Variants in ATP2B2 observed in about 807,000 individuals in gnomAD.
The protein encoded by ATP2B2 is ATPase plasma membrane Ca2+ transporting 2, also known as plasma membrane calcium-transporting ATPase 2.
In ATP2B2, 15 loss-of-function variants were observed where a neutral mutation model predicts 120.0. That is an observed-to-expected ratio of 0.12 (90% CI 0.08 to 0.19). ATP2B2 has a LOEUF of 0.19. Among genes scored for constraint, ATP2B2 ranks in the 10% least tolerant of loss-of-function variants. The pLI, the probability that ATP2B2 is intolerant of heterozygous loss-of-function variation, is 1.00. For synonymous variants in ATP2B2, 694 were observed against 700.3 expected, an observed-to-expected ratio of 0.99 and a Z score of 0.14; for missense variants, 1,045 against 1,719.8, an observed-to-expected ratio of 0.61 and a Z score of 6.94.
intron 2 of ATP2B2, among the ~76,000 whole-genome samples, chr3:10,606,231 G>A (rs1032544816): frequency 1.3e-5 from 2 of 152,158 alleles, no homozygotes; most frequent in African/African-American, 2.4e-5. Context: ...TGAGACCCCC[G>A]GTGAGATAAC....
chr3:10,678,348 G>C (rs1428810445), intron 1 of ATP2B2, among the ~76,000 whole-genome samples: 2 of 152,200 alleles, frequency 1.3e-5, no homozygotes, highest in African/African-American at 4.8e-5. Context: ...GTATTCCCTG[G>C]ACTCCTTTCT....
At chr3:10,405,522 G>T (rs895414624) in intron 3 of ATP2B2, among the ~76,000 whole-genome samples, 2 of 152,144 alleles carry the variant, frequency 1.3e-5, no homozygotes, top group Non-Finnish European at 2.9e-5. Flanking sequence ...AGCAATTAGG[G>T]AGAAGAGAAT....
chr3:10,450,093 T>C (rs915194373), intron 1 of ATP2B2, among the ~76,000 whole-genome samples: 1 of 152,138 alleles, frequency 6.6e-6, no homozygotes, highest in Non-Finnish European at 1.5e-5. Context: ...TAACTCCCTA[T>C]TTGTGTGTTG....
chr3:10,359,760 A>G (rs1015148074), intron 13 of ATP2B2, 122 bp downstream of exon 13: 11 of 1,442,770 alleles, frequency 7.6e-6, no homozygotes, highest in Middle Eastern at 1.8e-4. Flanking sequence ...CTAGACGGCC[A>G]CTCCAGCCGG....
At chr3:10,349,221 G>A (rs2125406111) in intron 16 of ATP2B2, among the ~76,000 whole-genome samples, 1 of 152,350 alleles carries the variant, frequency 6.6e-6, no homozygotes, top group Middle Eastern at 3.4e-3. Context: ...GGGATGCCAA[G>A]GCAGGAGGAC....
chr3:10,567,654 C>T (rs2068038098), intron 2 of ATP2B2, among the ~76,000 whole-genome samples: 1 of 152,174 alleles, frequency 6.6e-6, no homozygotes. Context: ...ACAGGTGCTT[C>T]GTTTAGAGCA....
chr3:10,588,636 G>A (rs1369770192), intron 2 of ATP2B2, among the ~76,000 whole-genome samples: 1 of 152,196 alleles, frequency 6.6e-6, no homozygotes, highest in African/African-American at 2.4e-5. Flanking sequence ...GATCTCTGGA[G>A]GAAAGGATCT....
chr3:10,684,843 T>G (rs1038523736), intron 1 of ATP2B2, among the ~76,000 whole-genome samples: 1 of 152,366 alleles, frequency 6.6e-6, no homozygotes, highest in East Asian at 1.9e-4. Flanking sequence ...ATTGGATGGC[T>G]ATTTTACTCG....
rs188928620 is a variant in ATP2B2 at position 10,428,171 on chromosome 3, C to A, written c.200-17356G>T. ...CCTCCAGGTGCCTCAGTATTCCCAT[C>A]TGAAAAAAGGGGATTATACTCGAAC... On this transcript the variant is annotated intron_variant, in intron 2 of 22. Coordinates refer to ENST00000360273, the MANE Select transcript of ATP2B2 (RefSeq NM_001001331.4). Among the ~76,000 whole-genome samples, 106 of 152,186 alleles carry A rather than the reference C, an allele frequency of 7.0e-4. 2 individuals are homozygous for A. In the East Asian group the frequency reaches 0.016, roughly 22 times the overall value.
At chr3:10,403,111 C>T (rs926762046) in intron 3 of ATP2B2, among the ~76,000 whole-genome samples, 4 of 152,182 alleles carry the variant, frequency 2.6e-5, no homozygotes, top group African/African-American at 9.7e-5. Flanking sequence ...AGTCATTGCC[C>T]TTCCCCGGCT....
chr3:10,459,262 C>T lies in ATP2B2; in HGVS notation c.-319-9400G>A, dbSNP rs536506987. Among the ~76,000 whole-genome samples, 6 of 152,322 alleles carry T rather than the reference C, an allele frequency of 3.9e-5. No individual in the cohort carries two copies. In the East Asian group the frequency reaches 1.2e-3, roughly 29 times the overall value. On this transcript the variant is annotated intron_variant, in intron 1 of 22. Transcript: ENST00000360273. The stretch of plus-strand genomic sequence containing the variant: ...TGTGTTCCATGTTTAGAAATAATTT[C>T]CTTAAAAAATATTTGTGGAGTTTCT...
At chr3:10,646,160 T>C (rs1185313525) in intron 1 of ATP2B2, among the ~76,000 whole-genome samples, 1 of 152,238 alleles carries the variant, frequency 6.6e-6, no homozygotes, top group Non-Finnish European at 1.5e-5. Flanking sequence ...ACAAATTGTC[T>C]ATTTGGGCAT....
intron 3 of ATP2B2, among the ~76,000 whole-genome samples, chr3:10,407,324 G>A (rs1302857551): frequency 2.6e-5 from 4 of 152,258 alleles, no homozygotes; most frequent in Admixed American, 1.3e-4. Context: ...CAGGGATCTG[G>A]TGAAGCCGGT....
Position 10,340,254 on chromosome 3 carries a change from G to T in ATP2B2, c.3225C>A (p.Leu1075=). 6.2e-7 allele frequency: 1 copy of T among 1,614,100 alleles called. No homozygotes were observed. The highest frequency in any genetic ancestry group is 8.5e-7 in the Non-Finnish European group (1 of 1,180,006). Reference sequence around the variant, plus strand: ...ACCAGGAACTTACCTGGCCCCAAACGAGCTCTCCTAACCCAATGAATATGC... The same window carrying T: ...ACCAGGAACTTACCTGGCCCCAAACTAGCTCTCCTAACCCAATGAATATGC... The part of the protein sequence containing the change: ...MWCIFIGLGE[L]VWGQVIATIP... Residue 1075 remains leucine, a synonymous_variant, in exon 21 of 23, where the codon CTC becomes CTA. Coordinates refer to ENST00000360273, the MANE Select transcript of ATP2B2 (RefSeq NM_001001331.4). This position sits in a 1 kb window ranked among gnomAD's most constrained non-coding sequence, Gnocchi z 5.0.
chr3:10,701,240 T>G (rs1438295946), intron 1 of ATP2B2, among the ~76,000 whole-genome samples: 3 of 152,244 alleles, frequency 2.0e-5, no homozygotes, highest in Non-Finnish European at 4.4e-5. Flanking sequence ...ATGTGGCATC[T>G]GTCTCTATAC....
intron 2 of ATP2B2, among the ~76,000 whole-genome samples, chr3:10,546,451 A>G (rs1416647053): frequency 6.6e-6 from 1 of 152,152 alleles, no homozygotes; most frequent in Non-Finnish European, 1.5e-5. Context: ...CCTACTCAGA[A>G]CAAAGAAAGG....
At chr3:10,535,362 C>T (rs1299161462) in intron 2 of ATP2B2, among the ~76,000 whole-genome samples, 1 of 151,412 alleles carries the variant, frequency 6.6e-6, no homozygotes, top group Non-Finnish European at 1.5e-5. Flanking sequence ...ATACAATCTA[C>T]AGCGCTTGCA....
intron 5 of ATP2B2, among the ~76,000 whole-genome samples, chr3:10,395,970 T>C (rs1007313780): frequency 6.6e-6 from 1 of 152,222 alleles, no homozygotes; most frequent in African/African-American, 2.4e-5. Flanking sequence ...CATGGGCTCG[T>C]GTCTGCCTGT....
chr3:10,628,455 T>C (rs895785170), intron 1 of ATP2B2, among the ~76,000 whole-genome samples: 2 of 151,886 alleles, frequency 1.3e-5, no homozygotes, highest in Non-Finnish European at 2.9e-5. Context: ...GCCTGTGGAG[T>C]CCTCTAGGAC....
Sources: allele counts gnomAD v4.1 joint callset (sites outside exome capture counted in the v4.1 genomes callset), GRCh38; gene constraint gnomAD v4.1.1; non-coding constraint Gnocchi (gnomAD v3.1); transcripts MANE v1.5; gene names NCBI Gene and HGNC (gene_info 2026-07-23, HGNC 2026-07-21).